Variants in GCC2 observed in about 807,000 individuals in gnomAD.
GCC2 encodes the protein GRIP and coiled-coil domain containing 2.
In GCC2, 120 loss-of-function variants were observed where a neutral mutation model predicts 210.6. The observed-to-expected ratio is 0.57, with a 90% confidence interval of 0.49 to 0.66. The LOEUF is 0.66. Ranked by LOEUF, GCC2 falls within the 30% of genes least tolerant of loss-of-function variation. The probability of loss-of-function intolerance (pLI) is 0.00; values close to 1 mark genes in which losing one functional copy is unlikely to be tolerated. For synonymous variants in GCC2, 703 were observed against 652.7 expected (o/e 1.08, Z -1.17); for missense variants, 1,868 against 1,871.9 (o/e 1.00, Z 0.04).
Position 108,465,949 on chromosome 2 carries a change from GGTTCAAGCT to G in GCC2, c.217-3026_217-3018del, listed in dbSNP as rs1338641475. 1.4e-4 allele frequency among the ~76,000 whole-genome samples: 21 copies of G among 152,274 alleles called. No individual in the cohort carries two copies. In the East Asian group the frequency reaches 3.5e-3, roughly 25 times the overall value. On this transcript the variant is annotated intron_variant, in intron 4 of 22. Transcript: ENST00000309863. The stretch of plus-strand genomic sequence containing the variant: ...GGCTCACCGCAACCTCTGCTTCCCA[GGTTCAAGCT>G]GTTCTCCCTCAGTCTCCTGTGTAGC...
At chr2:108,482,972 G>A (rs1462777798) in intron 11 of GCC2, 90 bp from the exon 12 acceptor site, 15 of 692,934 alleles carry the variant, frequency 2.2e-5, no homozygotes, top group East Asian at 8.6e-5. Context: ...GAGACACCAC[G>A]CCCGGCCGTC....
At chr2:108,477,879 C>T (rs1438984545) in intron 9 of GCC2, among the ~76,000 whole-genome samples, 1 of 152,108 alleles carries the variant, frequency 6.6e-6, no homozygotes, top group Admixed American at 6.6e-5. Context: ...AACCCTGTCT[C>T]TACAAAATAC....
rs1293344874 is a variant in GCC2 at position 108,471,675 on chromosome 2, C to T, written c.2346C>T (p.Val782=). ...GTGAAGAGAAAGATGTTGTTAATGTCCTACAGGCAGTCGGTGAATCCTTGG... is the reference window on the plus strand; with the variant it reads ...GTGAAGAGAAAGATGTTGTTAATGTTCTACAGGCAGTCGGTGAATCCTTGG... ...EDSEEKDVVN[V]LQAVGESLAK... is the part of the protein sequence containing the mutation. The change falls in exon 6 of 23, where the codon GTC becomes GTT. Residue 782 remains valine, a synonymous_variant. Transcript: ENST00000309863. 1.9e-6 allele frequency: 3 copies of T among 1,613,300 alleles called. No individual in the cohort carries two copies. The highest frequency in any genetic ancestry group is 2.5e-6 in the Non-Finnish European group (3 of 1,179,552).
chr2:108,503,900 G>A (rs1683053805), intron 22 of GCC2, among the ~76,000 whole-genome samples: 2 of 152,144 alleles, frequency 1.3e-5, no homozygotes, highest in Admixed American at 1.3e-4. Context: ...CTTGAGAACA[G>A]GAGTTCAGAA....
intron 22 of GCC2, 34 bp from the exon 23 acceptor site, chr2:108,507,524 TTA>T (rs1683257245): frequency 1.4e-6 from 2 of 1,440,914 alleles, no homozygotes; most frequent in Admixed American, 2.1e-5. Flanking sequence ...CTTTTTTCTT[TTA>T]TTTTTCTTTT....
chr2:108,504,023 G>GT (rs985698554), intron 22 of GCC2, among the ~76,000 whole-genome samples: 59 of 152,226 alleles, frequency 3.9e-4, no homozygotes, highest in African/African-American at 1.3e-3. Context: ...CAGCAGGATT[G>GT]TTTGTTATAA....
At position 108,484,479 on chromosome 2, in the gene GCC2, T is replaced by G. The variant is rs1682028062; in HGVS notation, c.3613+168T>G. On this transcript the variant is annotated intron_variant, in intron 13 of 22. Transcript: ENST00000309863. Reference sequence around the variant, plus strand: ...GAATGGGTGTAAAACTGTTTGCCATTAAGTTGTTTGTAGTCCATGCCTATG... The same window carrying G: ...GAATGGGTGTAAAACTGTTTGCCATGAAGTTGTTTGTAGTCCATGCCTATG... The G allele has an allele frequency of 6.6e-6, 3 of 451,932 alleles. No homozygotes were observed. The South Asian group carries it at 9.0e-5, about 14-fold the overall frequency. The allele number at this position is 451,932 out of a possible 1,614,324, so 28.0% of individuals were successfully genotyped here.
In GCC2 at chr2:108,471,063, A is replaced by G; in HGVS notation, c.1734A>G (p.Arg578=). The G allele has an allele frequency of 1.3e-6, 2 of 1,586,852 alleles. No homozygotes were observed. The highest frequency in any genetic ancestry group is 1.7e-6 in the Non-Finnish European group (2 of 1,159,030). Residue 578 remains arginine, a synonymous_variant, in exon 6 of 23, where the codon AGA becomes AGG. Transcript: ENST00000309863. The part of the protein sequence containing the change: ...NGVYLLSLSQ[R]DTMLKELEGK... The stretch of plus-strand genomic sequence containing the variant: ...TATACTTACTTAGTCTCAGTCAAAG[A>G]GATACCATGTTAAAAGAATTAGAAG...
At chr2:108,477,403 T>A (rs1034463111) in intron 9 of GCC2, among the ~76,000 whole-genome samples, 1 of 152,194 alleles carries the variant, frequency 6.6e-6, no homozygotes, top group African/African-American at 2.4e-5. Context: ...AAGTGAGGAC[T>A]CTGAGGCATA....
intron 4 of GCC2, among the ~76,000 whole-genome samples, chr2:108,460,899 T>G (rs1300384830): frequency 6.6e-6 from 1 of 152,190 alleles, no homozygotes; most frequent in Admixed American, 6.5e-5. Flanking sequence ...GTGTAGCATT[T>G]TCGCCTTCAC....
At position 108,467,444 on chromosome 2, in the gene GCC2, A is replaced by C. The variant is rs145188908; in HGVS notation, c.217-1536A>C. 4.7e-3 allele frequency among the ~76,000 whole-genome samples: 710 copies of C among 152,224 alleles called. 6 individuals carry two copies. The highest frequency in any genetic ancestry group is 0.016 in the African/African-American group (673 of 41,526). ...TATATAAACAGTCATACCATCTGAA[A>C]AACCATTTCTTTTTTAATCTTTATG... is the stretch of plus-strand genomic sequence containing the variant. On this transcript the variant is annotated intron_variant, in intron 4 of 22. Transcript: ENST00000309863.
intron 2 of GCC2, 40 bp downstream of exon 2, chr2:108,449,729 G>C: frequency 2.6e-6 from 4 of 1,533,512 alleles, no homozygotes; most frequent in Non-Finnish European, 3.6e-6. Context: ...CTGAAGAGTG[G>C]AAGGGTGATG....
At position 108,471,457 on chromosome 2, in the gene GCC2, GT is replaced by G. The variant is rs777909420; in HGVS notation, c.2135del (p.Leu712CysfsTer16). The stretch of plus-strand genomic sequence containing the variant: ...AAAACAGTTGAGTAGGGATTTGGAG[GT>G]TTTTTTGTCTCAAAAAGAAGATGTT... ...EKKQLSRDLEVFLSQKEDVIL... is the reference protein window; with the variant it reads ...EKKQLSRDLEXFLSQKEDVIL... On this transcript the variant is annotated frameshift_variant, in exon 6 of 23. Coordinates refer to ENST00000309863, the MANE Select transcript of GCC2 (RefSeq NM_181453.4). LOFTEE classifies it high-confidence loss of function. 6 of 1,609,872 alleles carry G rather than the reference GT, an allele frequency of 3.7e-6. No homozygotes were observed. The highest frequency in any genetic ancestry group is 1.7e-5 in the Admixed American group (1 of 59,296).
At chr2:108,491,606 G>A (rs1682405756) in intron 18 of GCC2, among the ~76,000 whole-genome samples, 1 of 151,794 alleles carries the variant, frequency 6.6e-6, no homozygotes, top group African/African-American at 2.4e-5. Flanking sequence ...GAAAAGTACA[G>A]ACTAAACTGT....
rs369626877 is a variant in GCC2 at position 108,471,037 on chromosome 2, G to A, written c.1708G>A (p.Val570Ile). 1.9e-6 allele frequency: 3 copies of A among 1,604,832 alleles called. No homozygotes were observed. The highest frequency in any genetic ancestry group is 2.6e-6 in the Non-Finnish European group (3 of 1,172,634). Residue 570 changes from valine (V) to isoleucine (I), a missense_variant, in exon 6 of 23, where the codon GTA (valine) becomes ATA (isoleucine). By Grantham distance (29) the Val-to-Ile change is conservative (BLOSUM62 3). Coordinates refer to ENST00000309863, the MANE Select transcript of GCC2 (RefSeq NM_181453.4). ...AAAGAACCTTCAAGAAAAGAATGGA[G>A]TATACTTACTTAGTCTCAGTCAAAG... ...TIKNLQEKNG[V>I]YLLSLSQRDT...
intron 9 of GCC2, among the ~76,000 whole-genome samples, chr2:108,480,405 T>A (rs1295389083): frequency 6.6e-6 from 1 of 152,188 alleles, no homozygotes; most frequent in Non-Finnish European, 1.5e-5. Context: ...ACTGGGTATA[T>A]ACCCAAAGGA....
In GCC2 at chr2:108,486,629, A is replaced by G. The variant is rs1177816192; in HGVS notation, c.3911A>G (p.Glu1304Gly). Reference sequence around the variant, plus strand: ...CAGCAGAGAGTGACAGCACTACAGGAAGAGTGCCGTGCTGCCAAGGTGCGT... The same window carrying G: ...CAGCAGAGAGTGACAGCACTACAGGGAGAGTGCCGTGCTGCCAAGGTGCGT... ...AYQQRVTALQ[E>G]ECRAAKAEQA... is the part of the protein sequence containing the mutation. Residue 1304 changes from glutamate to glycine, a missense_variant, in exon 16 of 23, where the codon GAA (glutamate) becomes GGA (glycine). Transcript: ENST00000309863. The G allele has an allele frequency of 6.2e-7, 1 of 1,613,306 alleles. No homozygotes were observed. The highest frequency in any genetic ancestry group is 8.5e-7 in the Non-Finnish European group (1 of 1,179,664).
chr2:108,490,142 G>A, intron 18 of GCC2, 128 bp downstream of exon 18: 2 of 686,374 alleles, frequency 2.9e-6, no homozygotes, highest in Non-Finnish European at 4.4e-6. Flanking sequence ...TAAAGGCTTG[G>A]AAACTTTGCT....
At chr2:108,455,467 C>T (rs962020770) in intron 4 of GCC2, among the ~76,000 whole-genome samples, 2 of 151,974 alleles carry the variant, frequency 1.3e-5, no homozygotes, top group African/African-American at 4.8e-5. Context: ...TCCAAGTTAG[C>T]CAACTTTACC....
Sources: gnomAD v4.1 joint callset for allele counts (sites outside exome capture counted in the v4.1 genomes callset) on GRCh38, gnomAD v4.1.1 for gene constraint, MANE v1.5 for transcripts, NCBI Gene and HGNC (gene_info 2026-07-23, HGNC 2026-07-21) for gene names.